Variants in SPHKAP observed in about 807,000 individuals in gnomAD.
SPHKAP encodes SPHK1 interactor, AKAP domain containing, also known as A-kinase anchor protein SPHKAP.
In SPHKAP, 67 loss-of-function variants were observed where a neutral mutation model predicts 137.5. That is an observed-to-expected ratio of 0.49 (90% confidence interval 0.40 to 0.60). The LOEUF (loss-of-function observed/expected upper bound fraction) is 0.60, where lower values mean the gene tolerates loss of function less well. SPHKAP is among the 20% of genes least tolerant of loss of function. The pLI is 0.00. For missense variants in SPHKAP, 2,097 were observed against 2,069.3 expected, an observed-to-expected ratio of 1.01 and a Z score of -0.26; for synonymous variants, 813 against 785.3, an observed-to-expected ratio of 1.04 and a Z score of -0.59.
intron 3 of SPHKAP, among the ~76,000 whole-genome samples, chr2:228,047,150 C>G (rs13402036): frequency 0.38 from 58,184 of 151,960 alleles, 11,596 homozygotes; most frequent in South Asian, 0.51. Context: ...CAGAATTTGA[C>G]AACAAGAAGT....
chr2:228,063,617 G>A (rs924081416), intron 3 of SPHKAP, among the ~76,000 whole-genome samples: 1 of 152,174 alleles, frequency 6.6e-6, no homozygotes, highest in African/African-American at 2.4e-5. Context: ...AGCTCACTAT[G>A]CTTCTATAAC....
Position 228,017,901 on chromosome 2 carries a change from T to G in SPHKAP, c.2953A>C (p.Ser985Arg). The stretch of plus-strand genomic sequence containing the variant: ...CTCACAGCGGTCCCGCTCCCCTGGC[T>G]CTCTTTCTTCCTCTTCAAGGATCGG... ...PCRSLKRKKE[S>R]QGSGTAVRKH... Residue 985 changes from serine to arginine, a missense_variant, in exon 7 of 12, where the codon AGC (serine) becomes CGC (arginine). By Grantham distance (110) the Ser-to-Arg change is moderately radical (BLOSUM62 -1). Transcript: ENST00000392056. 1 of 1,614,114 alleles carries G rather than the reference T, an allele frequency of 6.2e-7. No homozygotes were observed. Among genetic ancestry groups the G allele is most frequent in the East Asian group, 2.2e-5 (1 of 44,866 alleles).
At position 228,132,061 on chromosome 2, in the gene SPHKAP, A is replaced by G. The variant is rs776213260; in HGVS notation, c.57T>C (p.Tyr19=). ...TGCCCTGCTGCGGTTCCAAAACGTC[A>G]TACATCCGTGATGACTCCAAGTTGC... The part of the protein sequence containing the change: ...VPSNLESSRM[Y]DVLEPQQGRG... The change falls in exon 2 of 12, where the codon TAT becomes TAC. Residue 19 remains tyrosine, a synonymous_variant. Transcript: ENST00000392056. 6.2e-6 allele frequency: 10 copies of G among 1,614,004 alleles called. No homozygotes were observed. Among genetic ancestry groups the G allele is most frequent in the Non-Finnish European group, 8.5e-6 (10 of 1,179,972 alleles).
rs910288356 is a variant in SPHKAP, at chr2:228,012,108, C to T, written c.4448+4298G>A. On this transcript the variant is annotated intron_variant, in intron 7 of 11. Coordinates refer to ENST00000392056, the MANE Select transcript of SPHKAP (RefSeq NM_001142644.2). ...GCTTGAGCCCTGGAGGTTGGGGCTG[C>T]GGTGAGCCATGGTTGCACCACAGCA... Among the ~76,000 whole-genome samples, 49 of 134,206 alleles carry T rather than the reference C, an allele frequency of 3.7e-4. 2 individuals carry two copies. Among genetic ancestry groups the T allele is most frequent in the African/African-American group, 9.0e-4 (32 of 35,438 alleles). The allele number at this position is 134,206 out of a possible 152,430, so 88.0% of individuals were successfully genotyped here. A position where few individuals can be genotyped will look rare whatever the true frequency, so the allele number is the denominator to read the frequency against.
intron 3 of SPHKAP, among the ~76,000 whole-genome samples, chr2:228,033,187 TA>T (rs1272725166): frequency 6.6e-6 from 1 of 151,988 alleles, no homozygotes; most frequent in Non-Finnish European, 1.5e-5. Context: ...GAGGAAGATC[TA>T]CCAAGCAAAT....
intron 11 of SPHKAP, among the ~76,000 whole-genome samples, chr2:227,990,265 C>T (rs570584824): frequency 5.3e-5 from 8 of 152,328 alleles, no homozygotes; most frequent in East Asian, 1.9e-4. Flanking sequence ...GAGCTGAGTG[C>T]TGTTTTAAGC....
chr2:228,078,913 G>A (rs559302347), intron 3 of SPHKAP, among the ~76,000 whole-genome samples: 11 of 151,986 alleles, frequency 7.2e-5, no homozygotes, highest in African/African-American at 2.7e-4. Flanking sequence ...CCCACGAACG[G>A]AGCCTCCAGG....
intron 7 of SPHKAP, among the ~76,000 whole-genome samples, chr2:228,003,167 A>G (rs1445203124): frequency 1.3e-5 from 2 of 152,142 alleles, no homozygotes; most frequent in Non-Finnish European, 2.9e-5. Flanking sequence ...CAGTATGGCT[A>G]TTTTCACGAC....
intron 11 of SPHKAP, among the ~76,000 whole-genome samples, chr2:227,983,454 ACAGATGGGAGG>A (rs1403037406): frequency 1.3e-5 from 2 of 152,176 alleles, no homozygotes; most frequent in African/African-American, 4.8e-5. Context: ...GAAAAGGGAG[ACAGATGGGAGG>A]CAGATGGCAA....
intron 3 of SPHKAP, among the ~76,000 whole-genome samples, chr2:228,073,398 G>C (rs914036104): frequency 4.6e-5 from 7 of 152,108 alleles, no homozygotes; most frequent in Non-Finnish European, 8.8e-5. Flanking sequence ...AGGCAGAAAC[G>C]GTCTAGAAAA....
chr2:228,061,628 G>A (rs1696636088), intron 3 of SPHKAP, among the ~76,000 whole-genome samples: 1 of 151,534 alleles, frequency 6.6e-6, no homozygotes, highest in Admixed American at 6.6e-5. Flanking sequence ...CCCATTACTG[G>A]GTAAATAGAC....
intron 7 of SPHKAP, among the ~76,000 whole-genome samples, chr2:228,001,482 T>A (rs1432238262): frequency 1.4e-5 from 2 of 143,670 alleles, no homozygotes; most frequent in Non-Finnish European, 3.0e-5. Context: ...TAAAAATATA[T>A]ATACGTATAT....
chr2:228,111,215 T>C (rs1186959476), intron 2 of SPHKAP, among the ~76,000 whole-genome samples: 2 of 152,184 alleles, frequency 1.3e-5, no homozygotes, highest in Non-Finnish European at 2.9e-5. Context: ...TCAACATTAC[T>C]GGTCTAACTG....
At chr2:228,097,883 T>C (rs952727683) in intron 3 of SPHKAP, among the ~76,000 whole-genome samples, 1 of 152,226 alleles carries the variant, frequency 6.6e-6, no homozygotes, top group Non-Finnish European at 1.5e-5. Context: ...CAGTCCACCA[T>C]AGATGGGAAT....
At chr2:228,020,716 TAAAAA>T (rs1694810308) in intron 6 of SPHKAP, among the ~76,000 whole-genome samples, 1 of 152,084 alleles carries the variant, frequency 6.6e-6, no homozygotes. Flanking sequence ...TAAAGTATAA[TAAAAA>T]TAAAATAAAT....
chr2:228,117,287 C>T (rs899378145), intron 2 of SPHKAP, among the ~76,000 whole-genome samples: 4 of 151,962 alleles, frequency 2.6e-5, no homozygotes, highest in Admixed American at 6.6e-5. Context: ...TGTTAACTTT[C>T]GAATGAGACA....
intron 3 of SPHKAP, among the ~76,000 whole-genome samples, chr2:228,073,717 A>C (rs958032485): frequency 6.6e-6 from 1 of 152,190 alleles, no homozygotes; most frequent in African/African-American, 2.4e-5. Context: ...TGAACCCTTA[A>C]ACCACTGTTA....
intron 7 of SPHKAP, among the ~76,000 whole-genome samples, chr2:228,009,648 TA>T (rs1218121775): frequency 6.6e-6 from 1 of 152,212 alleles, no homozygotes; most frequent in Non-Finnish European, 1.5e-5. Flanking sequence ...TGTTGAGTAC[TA>T]GATTTTGTTG....
In SPHKAP at chr2:228,017,220, A is replaced by T. The variant is rs769462863; in HGVS notation, c.3634T>A (p.Ser1212Thr). The change falls in exon 7 of 12, where the codon TCC becomes ACC. Residue 1212 changes from serine (S) to threonine (T), a missense_variant. Physicochemically the swap from Ser to Thr is moderately conservative, Grantham distance 58. Transcript: ENST00000392056. ...IERDSRESAS[S>T]RRSSQDWTAG... ...GTCCAATCCTGGCTGCTCCGTCTGG[A>T]GGAGGCACTTTCTCTGCTGTCTCTT... The T allele has an allele frequency of 4.2e-5, 68 of 1,613,828 alleles. 1 individual carries two copies. In the South Asian group the frequency reaches 7.5e-4, roughly 18 times the overall value.
Sources: allele counts gnomAD v4.1 joint callset (sites outside exome capture counted in the v4.1 genomes callset), GRCh38; gene constraint gnomAD v4.1.1; transcripts MANE v1.5; gene names NCBI Gene and HGNC (gene_info 2026-07-23, HGNC 2026-07-21).